Variants in ERI1 observed in about 807,000 individuals in gnomAD.
The protein encoded by ERI1 is 3'-5' exoribonuclease 1.
In ERI1, 39 loss-of-function variants were observed where a neutral mutation model predicts 39.7. The ratio of observed to expected loss-of-function variants is 0.98; its 90% CI spans 0.76 to 1.28. ERI1 has a LOEUF of 1.28. Among genes scored for constraint, ERI1 ranks in the 50% most tolerant of loss-of-function variants. ERI1 has a pLI of 0.00. For synonymous variants in ERI1, 204 were observed against 149.6 expected (o/e 1.36, Z -2.65); for missense variants, 581 against 416.9 (o/e 1.39, Z -3.43).
rs1045527 is a variant in ERI1, at chr8:9,032,531, A to G, written c.*2497A>G. 69,937 of 152,016 alleles carry G rather than the reference A, an allele frequency of 0.46. 17,475 individuals carry two copies. Among genetic ancestry groups the G allele is most frequent in the African/African-American group, 0.59 (24,628 of 41,424 alleles). The allele number at this position is 152,016 out of a possible 1,614,324, so 9.4% of individuals were successfully genotyped here. ...GTCTTTGTTGCCTTGAGATAGATCC[A>G]TTTATCCTGCCTCCTAGGGAGAAGT... On this transcript the variant is annotated 3_prime_UTR_variant, in exon 7 of 7. Coordinates refer to ENST00000250263, the MANE Select transcript of ERI1 (RefSeq NM_153332.4).
Position 9,077,795 on chromosome 8 carries a change from C to G in ERI1, n.300-38553C>G, listed in dbSNP as rs369837481. 2.3e-4 allele frequency among the ~76,000 whole-genome samples: 35 copies of G among 152,284 alleles called. 1 individual carries two copies. The East Asian group carries it at 4.4e-3, about 19-fold the overall frequency. ...TCAGATAAGAGAGGACTAGAGAAAG[C>G]TCTTCTCTGCGTTTGCCCCTCCGCA... is the stretch of plus-strand genomic sequence containing the variant. On this transcript the variant is annotated intron_variant and non_coding_transcript_variant, in intron 3 of 3. Transcript: ENST00000518663.
chr8:9,045,616 G>C (rs946301391), intron 3 of ERI1, among the ~76,000 whole-genome samples: 1 of 151,820 alleles, frequency 6.6e-6, no homozygotes, highest in African/African-American at 2.4e-5. Flanking sequence ...GGGTAACATA[G>C]CAAGACCCCT....
intron 3 of ERI1, among the ~76,000 whole-genome samples, chr8:9,083,889 G>A (rs1262470913): frequency 1.3e-5 from 2 of 152,080 alleles, no homozygotes; most frequent in African/African-American, 4.8e-5. Context: ...CGCCTCCTGG[G>A]TTCACGCCAT....
chr8:9,067,411 TG>T (rs1798914416), intron 3 of ERI1, among the ~76,000 whole-genome samples: 2 of 149,992 alleles, frequency 1.3e-5, no homozygotes, highest in African/African-American at 5.0e-5. Flanking sequence ...TGTGTGTGTG[TG>T]TGTGTGTGCA....
chr8:9,068,086 T>C (rs375441989), intron 3 of ERI1, among the ~76,000 whole-genome samples: 1 of 152,202 alleles, frequency 6.6e-6, no homozygotes, highest in Non-Finnish European at 1.5e-5. Flanking sequence ...AGAGAACATA[T>C]ATTTTCAGAG....
Position 9,097,445 on chromosome 8 carries a change from C to T in ERI1, n.300-18903C>T, listed in dbSNP as rs535871208. 1.0e-3 allele frequency among the ~76,000 whole-genome samples: 156 copies of T among 152,120 alleles called. 2 individuals carry two copies. In the South Asian group the frequency reaches 0.031, roughly 31 times the overall value. On this transcript the variant is annotated intron_variant and non_coding_transcript_variant, in intron 3 of 3. Transcript: ENST00000518663. Reference sequence around the variant, plus strand: ...TGGGAGGCTGAGGCAGGTGGATCTCCTGAGTATCACAGGCTGAGTTCGAGA... The same window carrying T: ...TGGGAGGCTGAGGCAGGTGGATCTCTTGAGTATCACAGGCTGAGTTCGAGA...
Position 9,043,944 on chromosome 8 carries a change from A to T in ERI1, n.299+23480A>T, listed in dbSNP as rs191213389. On this transcript the variant is annotated intron_variant and non_coding_transcript_variant, in intron 3 of 3. Transcript: ENST00000518663. ...TAGTTAACAATGTAAAGTAAGTTTC[A>T]AAAGAGGCCTACGGTGTAGCATGGT... Among the ~76,000 whole-genome samples the T allele has an allele frequency of 1.7e-3, 256 of 152,364 alleles. 3 individuals are homozygous for T. Among genetic ancestry groups the T allele is most frequent in the East Asian group, 9.6e-4 (5 of 5,196 alleles).
At chr8:9,007,835 G>C in intron 1 of ERI1, 135 bp from the exon 2 acceptor site, 7 of 1,332,080 alleles carry the variant, frequency 5.3e-6, no homozygotes, top group Non-Finnish European at 7.0e-6. Context: ...AGGAGCTGCA[G>C]TGAACACTTT....
At chr8:9,089,352 G>A (rs1799634118) in intron 3 of ERI1, among the ~76,000 whole-genome samples, 1 of 152,202 alleles carries the variant, frequency 6.6e-6, no homozygotes, top group South Asian at 2.1e-4. Context: ...TGGGCTTCCT[G>A]CCTTGGCATC....
chr8:9,015,310 A>G (rs946737546), intron 3 of ERI1, among the ~76,000 whole-genome samples: 3 of 152,186 alleles, frequency 2.0e-5, no homozygotes, highest in African/African-American at 7.2e-5. Context: ...TTTTCTCTAT[A>G]TCTACTACCT....
At chr8:9,055,689 G>A (rs1798484489) in intron 3 of ERI1, among the ~76,000 whole-genome samples, 1 of 152,082 alleles carries the variant, frequency 6.6e-6, no homozygotes, top group African/African-American at 2.4e-5. Context: ...ACAGGCACCC[G>A]CCACCATGCC....
At chr8:9,075,604 G>T (rs1799185912) in intron 3 of ERI1, among the ~76,000 whole-genome samples, 1 of 150,832 alleles carries the variant, frequency 6.6e-6, no homozygotes, top group Non-Finnish European at 1.5e-5. Flanking sequence ...TGTTGTTGTT[G>T]CTTCTAAAGA....
chr8:9,080,761 T>A (rs2979244), intron 3 of ERI1, among the ~76,000 whole-genome samples: 95,793 of 151,910 alleles, frequency 0.63, 31,661 homozygotes, highest in African/African-American at 0.79. Context: ...GGCACCACTC[T>A]CTCGGCTCCT....
intron 3 of ERI1, among the ~76,000 whole-genome samples, chr8:9,070,659 G>T (rs894954729): frequency 1.3e-5 from 2 of 152,200 alleles, no homozygotes; most frequent in Non-Finnish European, 2.9e-5. Flanking sequence ...TGCTCATAAG[G>T]TTCAATTAGT....
intron 3 of ERI1, among the ~76,000 whole-genome samples, chr8:9,048,877 C>G (rs1798261304): frequency 6.6e-6 from 1 of 151,858 alleles, no homozygotes; most frequent in South Asian, 2.1e-4. Flanking sequence ...AACTCCTGGG[C>G]TCAAAAAATC....
At chr8:9,075,958 C>T (rs568673661) in intron 3 of ERI1, among the ~76,000 whole-genome samples, 2 of 151,868 alleles carry the variant, frequency 1.3e-5, no homozygotes, top group Non-Finnish European at 2.9e-5. Flanking sequence ...GACAGGGTCT[C>T]ATTGTGTCAC....
intron 3 of ERI1, among the ~76,000 whole-genome samples, chr8:9,082,261 T>C (rs1436480862): frequency 2.6e-5 from 4 of 152,200 alleles, no homozygotes; most frequent in African/African-American, 9.6e-5. Context: ...CTCTTACTCC[T>C]TTTACCAGAA....
chr8:9,080,247 A>G (rs1205326191), intron 3 of ERI1, among the ~76,000 whole-genome samples: 1 of 152,190 alleles, frequency 6.6e-6, no homozygotes, highest in Non-Finnish European at 1.5e-5. Flanking sequence ...ATAATTTAAG[A>G]GGACTTGCAT....
intron 3 of ERI1, among the ~76,000 whole-genome samples, chr8:9,079,714 T>A (rs1444709241): frequency 6.6e-6 from 1 of 152,136 alleles, no homozygotes; most frequent in African/African-American, 2.4e-5. Context: ...CTCACTGTCA[T>A]CCAGGCTGGA....
Sources: gnomAD v4.1 joint callset for allele counts (sites outside exome capture counted in the v4.1 genomes callset) on GRCh38, gnomAD v4.1.1 for gene constraint, MANE v1.5 for transcripts, NCBI Gene and HGNC (gene_info 2026-07-23, HGNC 2026-07-21) for gene names.